DOCK7: variants seen among roughly 807,000 people sequenced by gnomAD.
The protein encoded by DOCK7 is dedicator of cytokinesis protein 7.
In DOCK7, 138 loss-of-function variants were observed where a neutral mutation model predicts 271.0. The observed-to-expected ratio is 0.51, with a 90% CI of 0.44 to 0.59. DOCK7 has a LOEUF of 0.59. Among genes scored for constraint, DOCK7 ranks in the 20% least tolerant of loss-of-function variants. The pLI is 0.00. For synonymous variants in DOCK7, 823 were observed against 876.1 expected (o/e 0.94, Z 1.07); for missense variants, 2,066 against 2,592.4 (o/e 0.80, Z 4.41).
At chr1:62,497,466 T>C (rs1646656443) in intron 37 of DOCK7, among the ~76,000 whole-genome samples, 1 of 152,124 alleles carries the variant, frequency 6.6e-6, no homozygotes, top group Admixed American at 6.5e-5. Flanking sequence ...TCCCTATTGA[T>C]TATCTAAAAA....
At chr1:62,662,215 G>T (rs1355331313) in intron 2 of DOCK7, among the ~76,000 whole-genome samples, 1 of 151,976 alleles carries the variant, frequency 6.6e-6, no homozygotes, top group African/African-American at 2.4e-5. Flanking sequence ...ACAAATGGAG[G>T]TATGTTTTTA....
intron 1 of DOCK7, among the ~76,000 whole-genome samples, chr1:62,663,592 C>T (rs573083887): frequency 1.3e-5 from 2 of 152,088 alleles, no homozygotes; most frequent in Non-Finnish European, 2.9e-5. Context: ...TGATTTAATT[C>T]AGAGCCCTGA....
intron 14 of DOCK7, chr1:62,609,354 T>C (rs1162645511): frequency 6.6e-6 from 1 of 152,196 alleles, no homozygotes; most frequent in African/African-American, 2.4e-5. Flanking sequence ...ATAAAATGAC[T>C]GGGTATATAA....
intron 49 of DOCK7, 57 bp from the exon 50 acceptor site, chr1:62,455,513 T>G: frequency 1.3e-6 from 2 of 1,496,030 alleles, no homozygotes; most frequent in Non-Finnish European, 1.9e-6. Context: ...TGCATATACC[T>G]TTAAATGTCT....
intron 43 of DOCK7, chr1:62,486,817 C>T (rs554727235): frequency 6.6e-6 from 1 of 152,228 alleles, no homozygotes; most frequent in South Asian, 2.1e-4. Flanking sequence ...CAAATTAACA[C>T]AGTATCTCAT....
chr1:62,485,720 A>G, intron 43 of DOCK7: 1 of 978,772 alleles, frequency 1.0e-6, no homozygotes, highest in African/African-American at 1.7e-5. Context: ...AGAGAAGAGA[A>G]AACAGAAAGC....
chr1:62,668,966 T>C, intron 1 of DOCK7, among the ~76,000 whole-genome samples: 1 of 151,536 alleles, frequency 6.6e-6, no homozygotes, highest in East Asian at 1.9e-4. Context: ...TTACTCTGCC[T>C]TAGTGGGGAA....
Position 62,663,255 on chromosome 1 carries a change from A to G in DOCK7, c.39-125T>C, listed in dbSNP as rs147822272. 1.8e-3 allele frequency: 1,335 copies of G among 723,714 alleles called. 8 individuals carry two copies. The African/African-American group carries it at 0.021, about 11-fold the overall frequency. The allele number at this position is 723,714 out of a possible 1,614,324, so 44.8% of individuals were successfully genotyped here. On this transcript the variant is annotated intron_variant, in intron 1 of 49. Coordinates refer to ENST00000635253, the MANE Select transcript of DOCK7 (RefSeq NM_001367561.1). ...AGAAAAACAAAATCTCAGCATAACAATAAGGCTAGAAATTCGTAAAATATT... is the reference window on the plus strand; with the variant it reads ...AGAAAAACAAAATCTCAGCATAACAGTAAGGCTAGAAATTCGTAAAATATT...
intron 22 of DOCK7, among the ~76,000 whole-genome samples, chr1:62,552,002 C>A (rs982450608): frequency 1.3e-5 from 2 of 151,744 alleles, no homozygotes; most frequent in Admixed American, 6.6e-5. Flanking sequence ...TTTAAAAGAA[C>A]CTTAAGGAAA....
At chr1:62,544,600 GT>G (rs1412799537) in intron 23 of DOCK7, among the ~76,000 whole-genome samples, 1 of 152,040 alleles carries the variant, frequency 6.6e-6, no homozygotes, top group Non-Finnish European at 1.5e-5. Context: ...AAACTGTTGG[GT>G]TTTTTCCTCC....
chr1:62,483,134 A>G, intron 43 of DOCK7: 1 of 144,374 alleles, frequency 6.9e-6, no homozygotes, highest in Non-Finnish European at 1.5e-5. Context: ...CAGTCTCCCA[A>G]GTAGCTAGGA....
chr1:62,480,972 G>A (rs181626684), intron 43 of DOCK7, among the ~76,000 whole-genome samples: 1 of 127,690 alleles, frequency 7.8e-6, no homozygotes, highest in Admixed American at 1.0e-4. Context: ...TCGCGTCACT[G>A]CACTCCAGCC....
At chr1:62,603,525 G>A (rs1244949870) in intron 14 of DOCK7, among the ~76,000 whole-genome samples, 1 of 151,524 alleles carries the variant, frequency 6.6e-6, no homozygotes, top group Non-Finnish European at 1.5e-5. Context: ...CAAAGGCCAG[G>A]TTTACATTTG....
chr1:62,510,708 T>C, intron 33 of DOCK7, 35 bp from the exon 34 acceptor site: 1 of 1,526,492 alleles, frequency 6.6e-7, no homozygotes, highest in Non-Finnish European at 9.1e-7. Flanking sequence ...TTTTCAAATG[T>C]TATTTCAGTT....
At chr1:62,528,500 A>G (rs570926850) in intron 30 of DOCK7, among the ~76,000 whole-genome samples, 195 bp from the exon 31 acceptor site, 1 of 152,344 alleles carries the variant, frequency 6.6e-6, no homozygotes, top group Admixed American at 6.5e-5. Flanking sequence ...TACAGAGAAC[A>G]TTAACTTGCT....
At chr1:62,495,176 A>G (rs1646584280) in intron 39 of DOCK7, 1 of 152,930 alleles carries the variant, frequency 6.5e-6, no homozygotes, top group African/African-American at 2.4e-5. Context: ...ATGAATACTT[A>G]AAAAAATCCT....
chr1:62,577,300 C>T lies in DOCK7; in HGVS notation c.2074G>A (p.Glu692Lys). The change falls in exon 18 of 50, where the codon GAA (glutamate) becomes AAA (lysine). Residue 692 changes from glutamate to lysine, a missense_variant. Physicochemically the swap from Glu to Lys is moderately conservative, Grantham distance 56 (BLOSUM62 1). Around this residue, in one of 2 missense-constraint regions of DOCK7, gnomAD observed 1,414 missense variants for 1,670.4 expected, o/e 0.85. Transcript: ENST00000635253. ...TGQFCLPVSLEKPPQAYSVLS... is the reference protein window; with the variant it reads ...TGQFCLPVSLKKPPQAYSVLS... ...ACAGAATAAGCCTGTGGTGGTTTTT[C>T]CAATGAGACTGGCAAGCAAAACTGG... 1 of 1,591,022 alleles carries T rather than the reference C, an allele frequency of 6.3e-7. No homozygotes were observed. Among genetic ancestry groups the T allele is most frequent in the Non-Finnish European group, 8.6e-7 (1 of 1,166,206 alleles).
At chr1:62,618,582 G>A (rs532435431) in intron 14 of DOCK7, 124 bp downstream of exon 14, 12 of 778,906 alleles carry the variant, frequency 1.5e-5, no homozygotes, top group Middle Eastern at 3.7e-4. Context: ...AAAATTGTGC[G>A]GTAAGAGATA....
At chr1:62,549,251 G>C (rs1479071266) in intron 22 of DOCK7, among the ~76,000 whole-genome samples, 3 of 152,182 alleles carry the variant, frequency 2.0e-5, no homozygotes, top group Admixed American at 6.5e-5. Flanking sequence ...AAAGCTGCTG[G>C]TAGGTAAAAG....
Sources: allele counts gnomAD v4.1 joint callset (sites outside exome capture counted in the v4.1 genomes callset), GRCh38; gene constraint gnomAD v4.1.1; regional missense constraint gnomAD v4.1.1; transcripts MANE v1.5; gene names NCBI Gene and HGNC (gene_info 2026-07-23, HGNC 2026-07-21).